The following LHFPL1 variants were observed in gnomAD, a reference collection of about 807,000 sequenced individuals.
LHFPL1 encodes the protein LHFPL tetraspan subfamily member 1 protein.
LHFPL1 carries 4 observed loss-of-function variants against 12.1 expected under a neutral mutation model. The observed-to-expected ratio is 0.33, with a 90% CI of 0.16 to 0.76. LHFPL1 has a LOEUF of 0.76. LHFPL1 is among the 30% of genes least tolerant of loss of function. LHFPL1 has a pLI of 0.61. For synonymous variants in LHFPL1, 52 were observed against 61.9 expected (o/e 0.84, Z 0.75); for missense variants, 141 against 174.1 (o/e 0.81, Z 1.07).
rs986263944 is a variant in LHFPL1 at position 112,630,720 on chromosome X, G to A, written c.*700C>T. The A allele has an allele frequency of 1.9e-4, 21 of 111,737 alleles. No individual in the cohort carries two copies. The highest frequency in any genetic ancestry group is 6.2e-4 in the African/African-American group (19 of 30,704). The allele number at this position is 111,737 out of a possible 1,213,427, so 9.2% of individuals were successfully genotyped here. On this transcript the variant is annotated 3_prime_UTR_variant, in exon 4 of 4. Coordinates refer to ENST00000371968, the MANE Select transcript of LHFPL1 (RefSeq NM_178175.4). ...CTAGTCTATTCTCAGTACATTTGAT[G>A]AACACCATTTCTTTATCTCTAAAGG...
At chrX:112,673,290 T>C (rs1197550312) in intron 1 of LHFPL1, among the ~76,000 whole-genome samples, 1 of 111,741 alleles carries the variant, frequency 8.9e-6, no homozygotes, top group African/African-American at 3.3e-5. Flanking sequence ...GAAAGTGCCC[T>C]GAGCTGGGCC....
intron 3 of LHFPL1, among the ~76,000 whole-genome samples, chrX:112,647,566 GA>G (rs1930730932): frequency 8.9e-6 from 1 of 112,124 alleles, no homozygotes; most frequent in Admixed American, 9.4e-5. Context: ...ACAAACATAT[GA>G]AAAAAAGCTC....
chrX:112,668,931 C>G (rs1228516701), intron 2 of LHFPL1, among the ~76,000 whole-genome samples: 1 of 112,117 alleles, frequency 8.9e-6, no homozygotes, highest in Non-Finnish European at 1.9e-5. Context: ...CAGTTAGCCC[C>G]TCCTCACTCT....
At chrX:112,668,828 T>C (rs898823582) in intron 2 of LHFPL1, among the ~76,000 whole-genome samples, 4 of 112,224 alleles carry the variant, frequency 3.6e-5, no homozygotes, top group Admixed American at 9.4e-5. Flanking sequence ...AAAGTCTCAG[T>C]TGAGCCCAAA....
chrX:112,642,395 C>T (rs1285809178), intron 3 of LHFPL1, among the ~76,000 whole-genome samples: 1 of 102,249 alleles, frequency 9.8e-6, no homozygotes, highest in East Asian at 3.3e-4. Context: ...TTTGTTGAGA[C>T]GGGGCTTCAC....
intron 3 of LHFPL1, 49 bp downstream of exon 3, chrX:112,660,578 A>G: frequency 9.4e-7 from 1 of 1,059,092 alleles, no homozygotes; most frequent in East Asian, 3.0e-5. Context: ...GCACTTTGGA[A>G]AACACATTTC....
chrX:112,669,335 C>T (rs1931425836), intron 2 of LHFPL1, among the ~76,000 whole-genome samples: 1 of 112,294 alleles, frequency 8.9e-6, no homozygotes, highest in South Asian at 3.7e-4. Flanking sequence ...ATTTGTAATA[C>T]CCATGGAGCT....
chrX:112,648,505 C>T (rs1426663087), intron 3 of LHFPL1: 1 of 109,356 alleles, frequency 9.1e-6, no homozygotes, highest in Non-Finnish European at 1.9e-5. Context: ...AGGAAAATAA[C>T]AGTATAAGAA....
At chrX:112,651,878 T>C (rs943496314) in intron 3 of LHFPL1, among the ~76,000 whole-genome samples, 2 of 112,281 alleles carry the variant, frequency 1.8e-5, no homozygotes, top group African/African-American at 6.5e-5. Flanking sequence ...TGGTTTCTCA[T>C]TGCAGTTAGG....
At chrX:112,670,956 C>T (rs1037476636) in intron 2 of LHFPL1, 53 bp downstream of exon 2, 5 of 1,158,646 alleles carry the variant, frequency 4.3e-6, no homozygotes, top group African/African-American at 1.8e-5. Flanking sequence ...ACTCCCCACT[C>T]CTCCCTGCCC....
chrX:112,677,661 CAA>C (rs58664430), intron 1 of LHFPL1, among the ~76,000 whole-genome samples: 62 of 96,094 alleles, frequency 6.5e-4, no homozygotes, highest in African/African-American at 2.0e-3. Context: ...GACAAAGCTT[CAA>C]AAAAAAAAAA....
intron 3 of LHFPL1, among the ~76,000 whole-genome samples, chrX:112,659,877 A>G (rs992115618): frequency 3.6e-5 from 4 of 112,216 alleles, no homozygotes; most frequent in Admixed American, 9.4e-5. Flanking sequence ...AGACTCAAAA[A>G]TCAATCTGAG....
chrX:112,669,097 T>A (rs755223119), intron 2 of LHFPL1, among the ~76,000 whole-genome samples: 2 of 112,668 alleles, frequency 1.8e-5, no homozygotes, highest in Non-Finnish European at 3.8e-5. Context: ...TATCCCAACA[T>A]ATGCTAGATA....
chrX:112,643,439 G>C (rs1424880670), intron 3 of LHFPL1, among the ~76,000 whole-genome samples: 2 of 109,994 alleles, frequency 1.8e-5, no homozygotes, highest in African/African-American at 6.6e-5. Flanking sequence ...CACATGGCTG[G>C]GGAGGCCTCA....
Position 112,668,674 on chromosome X carries a change from C to CA in LHFPL1, c.382+2334dup, listed in dbSNP as rs200499548. On this transcript the variant is annotated intron_variant, in intron 2 of 3. Coordinates refer to ENST00000371968, the MANE Select transcript of LHFPL1 (RefSeq NM_178175.4). The stretch of plus-strand genomic sequence containing the variant: ...TTTCCTCTATGTGACACCTGCCACT[C>CA]AAAGTTCTGTCCCGCCTAACCTGTG... Among the ~76,000 whole-genome samples the CA allele has an allele frequency of 4.0e-3, 448 of 112,810 alleles. 1 individual carries two copies. The highest frequency in any genetic ancestry group is 0.014 in the African/African-American group (430 of 31,062).
intron 1 of LHFPL1, among the ~76,000 whole-genome samples, chrX:112,673,707 C>T (rs1020448741): frequency 8.9e-6 from 1 of 111,818 alleles, no homozygotes; most frequent in Admixed American, 9.5e-5. Flanking sequence ...AAGCGACCTA[C>T]CCAAGGGTAC....
chrX:112,637,870 G>A (rs1176347112), intron 3 of LHFPL1, among the ~76,000 whole-genome samples: 1 of 112,093 alleles, frequency 8.9e-6, no homozygotes, highest in African/African-American at 3.2e-5. Context: ...CAACAGTCAT[G>A]TTCTGAGAGC....
intron 3 of LHFPL1, among the ~76,000 whole-genome samples, chrX:112,633,041 T>C (rs1930233861): frequency 8.9e-6 from 1 of 112,392 alleles, no homozygotes; most frequent in Non-Finnish European, 1.9e-5. Context: ...TCCCGGAATG[T>C]ATCCGTATAC....
intron 3 of LHFPL1, among the ~76,000 whole-genome samples, chrX:112,653,596 G>A (rs1313027141): frequency 8.9e-6 from 1 of 111,846 alleles, no homozygotes; most frequent in Admixed American, 9.5e-5. Flanking sequence ...CCTTTTCCTT[G>A]CTGAAGGAAG....
Sources: gnomAD v4.1 joint callset for allele counts (sites outside exome capture counted in the v4.1 genomes callset) on GRCh38, gnomAD v4.1.1 for gene constraint, MANE v1.5 for transcripts, NCBI Gene and HGNC (gene_info 2026-07-23, HGNC 2026-07-21) for gene names.